The following SHBG variants were observed in gnomAD, a reference collection of about 807,000 sequenced individuals.
The protein encoded by SHBG is sex hormone binding globulin.
A neutral mutation model predicts 41.9 loss-of-function variants in SHBG; 37 were observed. That is an observed-to-expected ratio of 0.88 (90% CI 0.68 to 1.16). The LOEUF (loss-of-function observed/expected upper bound fraction) is 1.16. Among genes scored for constraint, SHBG ranks in the 50% most tolerant of loss-of-function variants. The probability of loss-of-function intolerance (pLI) is 0.00; values close to 1 mark genes in which losing one functional copy is unlikely to be tolerated. For synonymous variants in SHBG, 217 were observed against 205.8 expected (o/e 1.05, Z -0.47); for missense variants, 466 against 499.9 (o/e 0.93, Z 0.65).
chr17:7,630,913 T>A lies in SHBG; in HGVS notation c.393+44T>A. The A allele has an allele frequency of 6.3e-7, 1 of 1,581,660 alleles. No homozygotes were observed. The highest frequency in any genetic ancestry group is 8.7e-7 in the Non-Finnish European group (1 of 1,155,238). On this transcript the variant is annotated intron_variant, in intron 3 of 7. Coordinates refer to ENST00000380450, the MANE Select transcript of SHBG (RefSeq NM_001040.5). This position sits in a 1 kb window ranked among gnomAD's most constrained non-coding sequence, Gnocchi z 4.6. ...TCAGGGGAGGGATGTCTGGAGCTGG[T>A]CTGAGGAAAGGGAACAAAACCAAGT...
At chr17:7,627,999 T>C (rs1296676657), upstream of SHBG, 21 of 500,834 alleles carry the variant, frequency 4.2e-5, no homozygotes, top group South Asian at 2.0e-4. The surrounding 1 kb of genome is among the most constrained non-coding windows in gnomAD (Gnocchi z 4.8). Context: ...AGTTCAAGGT[T>C]GGAGTGAAGC....
intron 1 of SHBG, among the ~76,000 whole-genome samples, chr17:7,619,441 C>G (rs973687460): frequency 2.7e-5 from 4 of 150,868 alleles, no homozygotes; most frequent in Non-Finnish European, 5.9e-5. Flanking sequence ...GGTGCGGTGG[C>G]TCATGCCTGT....
chr17:7,621,098 A>C, intron 1 of SHBG, among the ~76,000 whole-genome samples: 1 of 59,544 alleles, frequency 1.7e-5, no homozygotes, highest in Admixed American at 1.5e-4. Context: ...CTGTCACAAA[A>C]AAAAAAAAAA....
At chr17:7,618,340 C>T (rs981359869) in intron 1 of SHBG, among the ~76,000 whole-genome samples, 56 of 151,702 alleles carry the variant, frequency 3.7e-4, no homozygotes, top group African/African-American at 1.3e-3. Flanking sequence ...GGTATGATCT[C>T]GGCTCACTGC....
chr17:7,617,744 T>C (rs1441667084), intron 1 of SHBG, among the ~76,000 whole-genome samples: 2 of 152,144 alleles, frequency 1.3e-5, no homozygotes, highest in Non-Finnish European at 2.9e-5. Flanking sequence ...AATAATTATC[T>C]GGAAAGGATA....
chr17:7,620,361 G>T (rs939593355), intron 1 of SHBG, among the ~76,000 whole-genome samples: 1 of 152,068 alleles, frequency 6.6e-6, no homozygotes, highest in Non-Finnish European at 1.5e-5. Flanking sequence ...CTGTTGCCTA[G>T]GCTAGAGTGC....
At chr17:7,621,122 A>AGCTGC (rs2072088271) in intron 1 of SHBG, among the ~76,000 whole-genome samples, 1 of 96,242 alleles carries the variant, frequency 1.0e-5, no homozygotes, top group Admixed American at 1.0e-4. Flanking sequence ...AAAAAAAAAA[A>AGCTGC]ATCAAGATTT....
chr17:7,627,752 C>CG (rs755597702), upstream of SHBG: 39 of 771,360 alleles, frequency 5.1e-5, no homozygotes, highest in Middle Eastern at 2.4e-4. This position sits in a 1 kb window ranked among gnomAD's most constrained non-coding sequence, Gnocchi z 4.8. Flanking sequence ...TGGCGGGAGT[C>CG]GGGGGGGACG....
Position 7,633,367 on chromosome 17 carries a change from AC to A in SHBG, c.*20del. The A allele has an allele frequency of 8.7e-6, 14 of 1,611,938 alleles. No individual in the cohort carries two copies. Among genetic ancestry groups the A allele is most frequent in the Non-Finnish European group, 1.2e-5 (14 of 1,179,160 alleles). ...CTTCCCATTAAAGCTCCACCTAAGAACCCCCTTTGAAAGTTACTGATTATTC... is the reference window on the plus strand; with the variant it reads ...CTTCCCATTAAAGCTCCACCTAAGAACCCCTTTGAAAGTTACTGATTATTC... On this transcript the variant is annotated 3_prime_UTR_variant, in exon 8 of 8. Coordinates refer to ENST00000380450, the MANE Select transcript of SHBG (RefSeq NM_001040.5).
In SHBG at chr17:7,630,235, G is replaced by C. The variant is rs200671001; in HGVS notation, c.63G>C (p.Leu21=). The change falls in exon 1 of 8, where the codon CTG becomes CTC. Residue 21 remains leucine (L), a synonymous_variant. Transcript: ENST00000380450. This position sits in a 1 kb window ranked among gnomAD's most constrained non-coding sequence, Gnocchi z 4.6. ...RLLLLLLLLL[L]RHTRQGWALR... ...TGCTGTTGCTGCTGTTGCTACTACT[G>C]CGTCACACCCGCCAGGGATGGGCCC... The C allele has an allele frequency of 6.2e-7, 1 of 1,611,678 alleles. No individual in the cohort carries two copies. Among genetic ancestry groups the C allele is most frequent in the African/African-American group, 1.3e-5 (1 of 74,926 alleles).
chr17:7,615,397 G>A (rs1461949829), intron 1 of SHBG, among the ~76,000 whole-genome samples: 1 of 152,170 alleles, frequency 6.6e-6, no homozygotes, highest in African/African-American at 2.4e-5. Context: ...GTGCGCACGC[G>A]CTGAGCTTTA....
Position 7,630,953 on chromosome 17 carries a change from C to T in SHBG, c.393+84C>T, listed in dbSNP as rs858517. Reference sequence around the variant, plus strand: ...CAAAACCAAGTTATTGGGCATCCCTCTACCACTGTCATCTCGTTTAATCCA... The same window carrying T: ...CAAAACCAAGTTATTGGGCATCCCTTTACCACTGTCATCTCGTTTAATCCA... On this transcript the variant is annotated intron_variant, in intron 3 of 7. Transcript: ENST00000380450. This position sits in a 1 kb window ranked among gnomAD's most constrained non-coding sequence, Gnocchi z 4.6. 0.96 allele frequency: 1,226,746 copies of T among 1,283,478 alleles called. 586,401 individuals carry two copies. Among genetic ancestry groups the T allele is most frequent in the East Asian group, 1 (42,915 of 42,920 alleles). 79.5% of individuals were successfully genotyped at this position (1,283,478 alleles called of 1,614,324 possible). A position where few individuals can be genotyped will look rare whatever the true frequency, so the allele number is the denominator to read the frequency against.
chr17:7,627,355 G>A (rs1490564318), upstream of SHBG: 4 of 1,614,006 alleles, frequency 2.5e-6, no homozygotes, highest in Non-Finnish European at 3.4e-6. The surrounding 1 kb of genome is among the most constrained non-coding windows in gnomAD (Gnocchi z 4.8). Context: ...TGGGCGCTGA[G>A]CCCCCACCTT....
intron 1 of SHBG, among the ~76,000 whole-genome samples, chr17:7,621,731 G>T (rs368865028): frequency 6.6e-6 from 1 of 151,912 alleles, no homozygotes; most frequent in African/African-American, 2.4e-5. Flanking sequence ...GGAATTGGGG[G>T]AGAAATTACA....
chr17:7,632,925 G>A lies in SHBG; in HGVS notation c.1026G>A (p.Lys342=). ...CTCCCCTCCTTAACCTCTGGGCCAA[G>A]CCTCAAGGGCGTCTCTTCCTGGGGG... The part of the protein sequence containing the change: ...GLAPLLNLWA[K]PQGRLFLGAL... The change falls in exon 7 of 8, where the codon AAG becomes AAA. Residue 342 remains lysine (K), a synonymous_variant. Coordinates refer to ENST00000380450, the MANE Select transcript of SHBG (RefSeq NM_001040.5). 1 of 1,614,140 alleles carries A rather than the reference G, an allele frequency of 6.2e-7. No individual in the cohort carries two copies. The highest frequency in any genetic ancestry group is 1.1e-5 in the South Asian group (1 of 91,080).
In SHBG at chr17:7,630,644, A is replaced by C; in HGVS notation, c.204-36A>C. The C allele has an allele frequency of 1.3e-6, 2 of 1,594,982 alleles. No homozygotes were observed. The highest frequency in any genetic ancestry group is 1.7e-6 in the Non-Finnish European group (2 of 1,163,504). ...ACCCACACTGGTTCTCAAAGGACAC[A>C]TGACATACACAATCTTTCCTTCTGT... On this transcript the variant is annotated intron_variant, in intron 2 of 7. Coordinates refer to ENST00000380450, the MANE Select transcript of SHBG (RefSeq NM_001040.5). This position sits in a 1 kb window ranked among gnomAD's most constrained non-coding sequence, Gnocchi z 4.6.
At chr17:7,622,240 C>G (rs2072111669) in intron 1 of SHBG, among the ~76,000 whole-genome samples, 1 of 151,730 alleles carries the variant, frequency 6.6e-6, no homozygotes, top group South Asian at 2.1e-4. Context: ...CTTTTCACCC[C>G]ACTCCAATCA....
At chr17:7,625,542 C>A (rs547654677), upstream of SHBG, among the ~76,000 whole-genome samples, 17 of 149,476 alleles carry the variant, frequency 1.1e-4, no homozygotes, top group Admixed American at 7.4e-4. Flanking sequence ...TCACCACTGC[C>A]CTCCAGCCTG....
At chr17:7,623,560 G>T (rs1410592456), upstream of SHBG, among the ~76,000 whole-genome samples, 3 of 152,192 alleles carry the variant, frequency 2.0e-5, no homozygotes, top group East Asian at 5.8e-4. Flanking sequence ...CCAGGCTCAA[G>T]CCGTCCTCCC....
Sources: gnomAD v4.1 joint callset for allele counts (sites outside exome capture counted in the v4.1 genomes callset) on GRCh38, gnomAD v4.1.1 for gene constraint, Gnocchi (gnomAD v3.1) non-coding constraint, MANE v1.5 for transcripts, NCBI Gene and HGNC (gene_info 2026-07-23, HGNC 2026-07-21) for gene names.